The following HS6ST3 variants were observed in gnomAD, a reference collection of about 807,000 sequenced individuals.
HS6ST3 encodes heparan-sulfate 6-O-sulfotransferase 3.
In HS6ST3, 12 loss-of-function variants were observed where a neutral mutation model predicts 36.7. The ratio of observed to expected loss-of-function variants is 0.33; its 90% CI spans 0.21 to 0.53. The LOEUF is 0.53. Ranked by LOEUF, HS6ST3 falls within the 20% of genes least tolerant of loss-of-function variation. The pLI is 0.95. For synonymous variants in HS6ST3, 240 were observed against 257.5 expected (o/e 0.93, Z 0.65); for missense variants, 584 against 640.9 (o/e 0.91, Z 0.96).
chr13:96,417,594 G>GTGTGTT lies in HS6ST3; in HGVS notation c.707+326030_707+326031insTTGTGT, dbSNP rs1165132061. Among the ~76,000 whole-genome samples the GTGTGTT allele has an allele frequency of 6.5e-3, 946 of 145,230 alleles. 9 individuals are homozygous for GTGTGTT. The highest frequency in any genetic ancestry group is 0.023 in the African/African-American group (911 of 39,622). ...GAAAAAAAATAGCATATATATATGT[G>GTGTGTT]TGTGTGTGTGTGTGTGTGTGTGTGT... On this transcript the variant is annotated intron_variant, in intron 1 of 1. Transcript: ENST00000376705.
rs542484251 is a variant in HS6ST3, at chr13:96,462,067, C to G, written c.708-370423C>G. Among the ~76,000 whole-genome samples the G allele has an allele frequency of 8.3e-4, 126 of 152,068 alleles. 3 individuals carry two copies. Among genetic ancestry groups the G allele is most frequent in the African/African-American group, 2.8e-3 (116 of 41,472 alleles). On this transcript the variant is annotated intron_variant, in intron 1 of 1. Transcript: ENST00000376705. ...AACAAATTAAAGGATTTTTTGAAAA[C>G]TTTTGTTTTTCAGGCAGGGTCTGAC...
intron 1 of HS6ST3, among the ~76,000 whole-genome samples, chr13:96,623,742 C>T (rs2138996401): frequency 6.6e-6 from 1 of 152,218 alleles, no homozygotes; most frequent in Admixed American, 6.5e-5. Context: ...GTGTTACCTT[C>T]CCCAGTGGTA....
At chr13:96,607,324 A>G (rs1189898343) in intron 1 of HS6ST3, among the ~76,000 whole-genome samples, 1 of 152,258 alleles carries the variant, frequency 6.6e-6, no homozygotes, top group Non-Finnish European at 1.5e-5. Flanking sequence ...AGGGAAAAAC[A>G]CACGAGACAT....
At chr13:96,696,556 G>C (rs538211581) in intron 1 of HS6ST3, among the ~76,000 whole-genome samples, 46 of 152,308 alleles carry the variant, frequency 3.0e-4, no homozygotes, top group African/African-American at 1.1e-3. Context: ...GGAAGGGGCT[G>C]ACCGGCCTGG....
chr13:96,596,855 T>A (rs2056403439), intron 1 of HS6ST3, among the ~76,000 whole-genome samples: 1 of 152,106 alleles, frequency 6.6e-6, no homozygotes, highest in Non-Finnish European at 1.5e-5. Context: ...GAAATGTAAA[T>A]TTTTCGACTA....
chr13:96,432,914 G>A (rs933427100), intron 1 of HS6ST3, among the ~76,000 whole-genome samples: 1 of 152,052 alleles, frequency 6.6e-6, no homozygotes, highest in Non-Finnish European at 1.5e-5. Context: ...AAAATAAAAG[G>A]TCTTTAAGCT....
intron 1 of HS6ST3, among the ~76,000 whole-genome samples, chr13:96,265,538 A>T (rs9516655): frequency 0.5 from 76,034 of 151,842 alleles, 19,394 homozygotes; most frequent in Admixed American, 0.59. Context: ...CAGCTATTTT[A>T]TGTAGTGTGA....
chr13:96,372,341 C>T (rs1375208238), intron 1 of HS6ST3, among the ~76,000 whole-genome samples: 4 of 151,974 alleles, frequency 2.6e-5, no homozygotes, highest in Admixed American at 1.3e-4. Context: ...TGTTTTCTTG[C>T]TATTGAGTAT....
chr13:96,106,024 G>A (rs1290700933), intron 1 of HS6ST3, among the ~76,000 whole-genome samples: 1 of 152,212 alleles, frequency 6.6e-6, no homozygotes, highest in Non-Finnish European at 1.5e-5. Context: ...TGAAGTGATG[G>A]GGTGATATTG....
intron 1 of HS6ST3, among the ~76,000 whole-genome samples, chr13:96,395,996 A>G (rs1377638327): frequency 6.6e-6 from 1 of 152,112 alleles, no homozygotes; most frequent in African/African-American, 2.4e-5. Context: ...AAATGGGAAA[A>G]ATGATACCTA....
rs148809506 is a variant in HS6ST3 at position 96,623,456 on chromosome 13, A to G, written c.708-209034A>G. 4.3e-4 allele frequency among the ~76,000 whole-genome samples: 66 copies of G among 151,966 alleles called. 2 individuals are homozygous for G. In the East Asian group the frequency reaches 7.9e-3, roughly 18 times the overall value. Reference sequence around the variant, plus strand: ...CAGCATTGGCCTATCTTGGACTTCAATTGAAAGCTGTCTCTCTCGGTGTCA... The same window carrying G: ...CAGCATTGGCCTATCTTGGACTTCAGTTGAAAGCTGTCTCTCTCGGTGTCA... On this transcript the variant is annotated intron_variant, in intron 1 of 1. Transcript: ENST00000376705.
At chr13:96,341,558 G>A (rs1385869811) in intron 1 of HS6ST3, among the ~76,000 whole-genome samples, 1 of 152,040 alleles carries the variant, frequency 6.6e-6, no homozygotes, top group East Asian at 1.9e-4. Flanking sequence ...TCACCCTGGG[G>A]ATCTACAGTA....
intron 1 of HS6ST3, among the ~76,000 whole-genome samples, chr13:96,478,493 C>T (rs1382199736): frequency 6.6e-6 from 1 of 152,098 alleles, no homozygotes; most frequent in East Asian, 1.9e-4. Context: ...GTCCATTATC[C>T]TCCATAGAGT....
intron 1 of HS6ST3, among the ~76,000 whole-genome samples, chr13:96,522,993 C>T (rs1289932432): frequency 6.6e-6 from 1 of 152,160 alleles, no homozygotes; most frequent in African/African-American, 2.4e-5. Context: ...TTTGCAGTGG[C>T]TGGTACCGGT....
chr13:96,498,981 A>T (rs1003869083), intron 1 of HS6ST3, among the ~76,000 whole-genome samples: 2 of 151,994 alleles, frequency 1.3e-5, no homozygotes, highest in Admixed American at 1.3e-4. Flanking sequence ...TCAGGTCAGT[A>T]TGCAACATTC....
intron 1 of HS6ST3, among the ~76,000 whole-genome samples, chr13:96,328,664 C>A (rs373495946): frequency 3.3e-5 from 5 of 151,848 alleles, no homozygotes; most frequent in Middle Eastern, 3.4e-3. Context: ...TGTCTCTGCC[C>A]GGCTTTGGTA....
At chr13:96,324,620 A>G (rs2055021282) in intron 1 of HS6ST3, among the ~76,000 whole-genome samples, 1 of 152,196 alleles carries the variant, frequency 6.6e-6, no homozygotes, top group African/African-American at 2.4e-5. Context: ...GTCTTTGTAG[A>G]TGATCAGATT....
At chr13:96,204,344 T>C (rs2139353226) in intron 1 of HS6ST3, among the ~76,000 whole-genome samples, 1 of 152,184 alleles carries the variant, frequency 6.6e-6, no homozygotes, top group Non-Finnish European at 1.5e-5. Context: ...AGCACCCAGA[T>C]TCATAAAGCA....
intron 1 of HS6ST3, among the ~76,000 whole-genome samples, chr13:96,580,677 G>T: frequency 1.3e-5 from 2 of 151,928 alleles, no homozygotes; most frequent in Non-Finnish European, 1.5e-5. Flanking sequence ...CTTTTTTAAG[G>T]TGCATGACGA....
Sources: allele counts gnomAD v4.1 joint callset (sites outside exome capture counted in the v4.1 genomes callset), GRCh38; gene constraint gnomAD v4.1.1; transcripts MANE v1.5; gene names NCBI Gene and HGNC (gene_info 2026-07-23, HGNC 2026-07-21).